Variants in CHM observed in about 807,000 individuals in gnomAD.
CHM encodes the protein rab proteins geranylgeranyltransferase component A 1.
Under a neutral mutation model 49.0 loss-of-function variants are expected in CHM, and 10 were observed. That is an observed-to-expected ratio of 0.20 (90% CI 0.13 to 0.35). CHM has a LOEUF of 0.35. CHM is among the 10% of genes least tolerant of loss of function. The pLI is 1.00. For synonymous variants in CHM, 184 were observed against 167.5 expected (o/e 1.10, Z -0.76); for missense variants, 455 against 478.4 (o/e 0.95, Z 0.46).
Position 85,864,357 on chromosome X carries a change from C to T in CHM, c.*273G>A, listed in dbSNP as rs902292251. The T allele has an allele frequency of 3.0e-6, 1 of 338,081 alleles. No homozygotes were observed. The allele number at this position is 338,081 out of a possible 1,213,427, so 27.9% of individuals were successfully genotyped here. A position where few individuals can be genotyped will look rare whatever the true frequency, so the allele number is the denominator to read the frequency against. On this transcript the variant is annotated 3_prime_UTR_variant, in exon 15 of 15. Transcript: ENST00000357749. ...CAATGCATAGGATCACTTTCATATC[C>T]ACAGTTACATTCCTGAGAATCAATT...
At chrX:86,036,434 C>A (rs1363341523) in intron 1 of CHM, among the ~76,000 whole-genome samples, 1 of 111,104 alleles carries the variant, frequency 9.0e-6, no homozygotes, top group African/African-American at 3.3e-5. Flanking sequence ...TTGTGGGGAC[C>A]AAATTTTATT....
intron 13 of CHM, among the ~76,000 whole-genome samples, chrX:85,877,629 A>G (rs1280721252): frequency 8.9e-6 from 1 of 111,947 alleles, no homozygotes; most frequent in Non-Finnish European, 1.9e-5. Flanking sequence ...ATAAATGCTT[A>G]AAGTGATGGG....
At chrX:85,920,226 G>A (rs1226429095) in intron 8 of CHM, among the ~76,000 whole-genome samples, 1 of 109,573 alleles carries the variant, frequency 9.1e-6, no homozygotes, top group African/African-American at 3.3e-5. Flanking sequence ...CTCCCGAGTA[G>A]CTGGGACTAC....
intron 8 of CHM, among the ~76,000 whole-genome samples, chrX:85,937,646 C>T (rs145845957): frequency 0.032 from 3,525 of 109,211 alleles, 161 homozygotes; most frequent in African/African-American, 0.11. Flanking sequence ...GAGTGCGAGA[C>T]CAGCCTGGGC....
chrX:85,931,528 T>C (rs936216891), intron 8 of CHM, among the ~76,000 whole-genome samples: 3 of 111,846 alleles, frequency 2.7e-5, no homozygotes, highest in Non-Finnish European at 3.8e-5. Context: ...CACATATCAG[T>C]TGTCAATAAG....
intron 2 of CHM, among the ~76,000 whole-genome samples, chrX:86,004,394 T>A: frequency 9.0e-6 from 1 of 111,537 alleles, no homozygotes; most frequent in Non-Finnish European, 1.9e-5. Context: ...AATGACAGGA[T>A]CAAATTCACA....
At chrX:85,960,654 G>A (rs1405941796) in intron 5 of CHM, among the ~76,000 whole-genome samples, 1 of 110,483 alleles carries the variant, frequency 9.1e-6, no homozygotes, top group Non-Finnish European at 1.9e-5. Flanking sequence ...TCGAACTCCT[G>A]ACCTTAGGTG....
intron 12 of CHM, among the ~76,000 whole-genome samples, chrX:85,881,960 C>A (rs1049854836): frequency 3.6e-5 from 4 of 111,887 alleles, no homozygotes; most frequent in Non-Finnish European, 7.5e-5. Context: ...CAAAAAAATT[C>A]TATTTCCATT....
chrX:85,920,674 C>T (rs1224212248), intron 8 of CHM, among the ~76,000 whole-genome samples: 1 of 112,087 alleles, frequency 8.9e-6, no homozygotes, highest in Non-Finnish European at 1.9e-5. Flanking sequence ...CAGGGTTTCA[C>T]AGATTTGGAA....
At chrX:85,883,550 A>G (rs1924891009) in intron 12 of CHM, among the ~76,000 whole-genome samples, 1 of 111,162 alleles carries the variant, frequency 9.0e-6, no homozygotes, top group African/African-American at 3.3e-5. Flanking sequence ...CCAGAACATC[A>G]CCTTAAGATC....
intron 1 of CHM, among the ~76,000 whole-genome samples, chrX:86,034,618 T>G (rs973778929): frequency 2.7e-5 from 3 of 110,384 alleles, no homozygotes; most frequent in African/African-American, 9.9e-5. Context: ...CTGTCTCTAC[T>G]AAAAATACAA....
At chrX:85,986,150 G>T (rs1345445029) in intron 2 of CHM, among the ~76,000 whole-genome samples, 1 of 111,000 alleles carries the variant, frequency 9.0e-6, no homozygotes, top group Non-Finnish European at 1.9e-5. Flanking sequence ...CGCCACTAGA[G>T]AACACCCAGG....
chrX:85,896,620 T>A (rs181572309), intron 11 of CHM, among the ~76,000 whole-genome samples: 1 of 107,880 alleles, frequency 9.3e-6, no homozygotes, highest in East Asian at 2.9e-4. Context: ...ATTGATATCA[T>A]GAGACTACAC....
chrX:85,912,906 G>A (rs1312706151), intron 8 of CHM, among the ~76,000 whole-genome samples: 1 of 107,667 alleles, frequency 9.3e-6, no homozygotes, highest in Non-Finnish European at 1.9e-5. Context: ...CCAGCTACAC[G>A]GGAGGCTGAG....
chrX:85,948,990 C>T (rs747211246), intron 8 of CHM, among the ~76,000 whole-genome samples: 1 of 111,336 alleles, frequency 9.0e-6, no homozygotes, highest in East Asian at 2.8e-4. Flanking sequence ...AAGAGAATTA[C>T]CCAGAAGTTT....
intron 2 of CHM, among the ~76,000 whole-genome samples, chrX:86,000,266 C>T (rs1420704378): frequency 3.9e-5 from 1 of 25,866 alleles, no homozygotes; most frequent in Non-Finnish European, 6.5e-5. Flanking sequence ...AGTAAGTCTT[C>T]CTGAAAAAAA....
intron 1 of CHM, among the ~76,000 whole-genome samples, chrX:86,038,597 G>A (rs1343750935): frequency 2.7e-5 from 3 of 111,844 alleles, no homozygotes; most frequent in Non-Finnish European, 5.6e-5. Context: ...AAATTATTTT[G>A]GTTTACAGGA....
chrX:86,007,410 G>T (rs1414182672), intron 2 of CHM, among the ~76,000 whole-genome samples: 1 of 111,604 alleles, frequency 9.0e-6, no homozygotes, highest in Non-Finnish European at 1.9e-5. Flanking sequence ...ATTGACAAAT[G>T]GGATCTAATT....
chrX:85,911,169 A>G (rs868503923), intron 9 of CHM, 92 bp downstream of exon 9: 13 of 26,609 alleles, frequency 4.9e-4, no homozygotes, highest in African/African-American at 3.6e-3. Flanking sequence ...ATATGTATAT[A>G]TATATGAATA....
Sources: gnomAD v4.1 joint callset for allele counts (sites outside exome capture counted in the v4.1 genomes callset) on GRCh38, gnomAD v4.1.1 for gene constraint, MANE v1.5 for transcripts, NCBI Gene and HGNC (gene_info 2026-07-23, HGNC 2026-07-21) for gene names.